The following ASTN2 variants were observed in gnomAD, a reference collection of about 807,000 sequenced individuals.
ASTN2 encodes the protein astrotactin 2, also known as astrotactin-2.
A neutral mutation model predicts 139.8 loss-of-function variants in ASTN2; 54 were observed. The observed-to-expected ratio is 0.39, with a 90% CI of 0.31 to 0.48. The LOEUF (loss-of-function observed/expected upper bound fraction) is 0.48, where lower values mean the gene tolerates loss of function less well. Among genes scored for constraint, ASTN2 ranks in the 20% least tolerant of loss-of-function variants. The pLI is 0.95. For synonymous variants in ASTN2, 756 were observed against 719.5 expected (o/e 1.05, Z -0.81); for missense variants, 1,565 against 1,725.1 (o/e 0.91, Z 1.64).
intron 14 of ASTN2, among the ~76,000 whole-genome samples, chr9:116,729,743 C>T (rs980791266): frequency 8.5e-5 from 13 of 152,250 alleles, no homozygotes; most frequent in Middle Eastern, 3.4e-3. Context: ...GTAAAATATA[C>T]GTATACAGAA....
intron 1 of ASTN2, among the ~76,000 whole-genome samples, chr9:117,310,290 G>T (rs138987993): frequency 2.6e-5 from 4 of 152,004 alleles, no homozygotes; most frequent in Non-Finnish European, 5.9e-5. Context: ...TTTCTCTCTC[G>T]CACTAAGAGA....
At chr9:116,631,618 A>C (rs1368089382) in intron 17 of ASTN2, among the ~76,000 whole-genome samples, 1 of 152,168 alleles carries the variant, frequency 6.6e-6, no homozygotes, top group Non-Finnish European at 1.5e-5. Context: ...ATACAAAAAT[A>C]CAGTTAGTTA....
intron 4 of ASTN2, among the ~76,000 whole-genome samples, chr9:117,098,937 G>A (rs1828904821): frequency 6.6e-6 from 1 of 151,818 alleles, no homozygotes. Flanking sequence ...GTGAAACCCC[G>A]TCTCTACTAA....
chr9:117,062,363 T>C (rs149146804), intron 5 of ASTN2, among the ~76,000 whole-genome samples: 153 of 152,278 alleles, frequency 1.0e-3, no homozygotes, highest in African/African-American at 3.4e-3. Flanking sequence ...TTTCCCCCAA[T>C]AGCCCCTTAA....
chr9:116,714,749 G>A (rs1029203421), intron 16 of ASTN2, among the ~76,000 whole-genome samples: 11 of 152,274 alleles, frequency 7.2e-5, no homozygotes, highest in African/African-American at 9.6e-5. Flanking sequence ...TTCCTGCTAT[G>A]AGCCACGTAA....
chr9:117,185,478 A>C (rs571536197), intron 3 of ASTN2, among the ~76,000 whole-genome samples: 14 of 152,316 alleles, frequency 9.2e-5, no homozygotes, highest in African/African-American at 2.9e-4. Context: ...CATAACCTAG[A>C]GTGTGGCTTG....
At chr9:117,239,812 A>C (rs998523988) in intron 2 of ASTN2, among the ~76,000 whole-genome samples, 30 of 152,194 alleles carry the variant, frequency 2.0e-4, no homozygotes, top group African/African-American at 7.0e-4. Context: ...CATGCAAGTG[A>C]ATGCAAAAAG....
At chr9:117,024,778 TGTGTCCACACCCAAATCTC>T (rs1201790378) in intron 6 of ASTN2, among the ~76,000 whole-genome samples, 1 of 152,132 alleles carries the variant, frequency 6.6e-6, no homozygotes, top group African/African-American at 2.4e-5. Flanking sequence ...ATGCTTTGGC[TGTGTCCACACCCAAATCTC>T]ATCTTGAACT....
At chr9:116,542,820 T>C (rs1374838825) in intron 19 of ASTN2, among the ~76,000 whole-genome samples, 2 of 151,930 alleles carry the variant, frequency 1.3e-5, no homozygotes, top group African/African-American at 4.8e-5. Context: ...CTTGAGGGGC[T>C]GAGGCAGGAG....
At chr9:116,640,331 G>A (rs1464081513) in intron 17 of ASTN2, among the ~76,000 whole-genome samples, 1 of 152,106 alleles carries the variant, frequency 6.6e-6, no homozygotes, top group Non-Finnish European at 1.5e-5. Context: ...AAGAGGAGGA[G>A]ACACAGGCAT....
intron 10 of ASTN2, among the ~76,000 whole-genome samples, chr9:116,953,866 T>C (rs1351567694): frequency 6.6e-6 from 1 of 152,200 alleles, no homozygotes; most frequent in Admixed American, 6.5e-5. Context: ...TAGCTCAATC[T>C]GTATCCATCA....
At chr9:117,183,797 A>G (rs375691400) in intron 3 of ASTN2, among the ~76,000 whole-genome samples, 4 of 152,156 alleles carry the variant, frequency 2.6e-5, no homozygotes, top group African/African-American at 9.7e-5. Flanking sequence ...CTGAAAACCT[A>G]CATCCCCCTT....
chr9:116,973,094 G>T (rs546580302), intron 10 of ASTN2, among the ~76,000 whole-genome samples: 4 of 152,156 alleles, frequency 2.6e-5, no homozygotes, highest in Non-Finnish European at 5.9e-5. Context: ...CTCTCAAATG[G>T]TGATGATTGC....
At chr9:116,452,455 T>G (rs1345881821) in intron 20 of ASTN2, among the ~76,000 whole-genome samples, 2 of 152,184 alleles carry the variant, frequency 1.3e-5, no homozygotes, top group Admixed American at 6.5e-5. Flanking sequence ...AACCCCATGG[T>G]GACGGTGTGA....
intron 19 of ASTN2, among the ~76,000 whole-genome samples, chr9:116,537,027 T>C (rs529790685): frequency 3.9e-4 from 60 of 152,184 alleles, no homozygotes; most frequent in Non-Finnish European, 7.9e-4. Context: ...CCTGGCCACT[T>C]TGTTTACCTA....
At chr9:116,813,474 A>C (rs1056704712) in intron 12 of ASTN2, among the ~76,000 whole-genome samples, 2 of 152,184 alleles carry the variant, frequency 1.3e-5, no homozygotes, top group Non-Finnish European at 2.9e-5. Flanking sequence ...CAGAACCTTG[A>C]CTTGGGTCTT....
chr9:117,264,778 T>C (rs1404128757), intron 2 of ASTN2, among the ~76,000 whole-genome samples: 2 of 152,358 alleles, frequency 1.3e-5, no homozygotes, highest in South Asian at 2.1e-4. Flanking sequence ...TTTTGTTTGC[T>C]TGTTTGCTTT....
chr9:116,854,797 G>A (rs1435116555), intron 11 of ASTN2, among the ~76,000 whole-genome samples: 2 of 151,944 alleles, frequency 1.3e-5, no homozygotes, highest in African/African-American at 2.4e-5. Flanking sequence ...GACTATAGGA[G>A]CCTGCCACCA....
intron 20 of ASTN2, among the ~76,000 whole-genome samples, chr9:116,453,243 C>G (rs1588073141): frequency 6.6e-6 from 1 of 152,082 alleles, no homozygotes; most frequent in Non-Finnish European, 1.5e-5. Context: ...CTCTGAGAGT[C>G]TTAGTTTTCC....
Sources: allele counts gnomAD v4.1 joint callset (sites outside exome capture counted in the v4.1 genomes callset), GRCh38; gene constraint gnomAD v4.1.1; transcripts MANE v1.5; gene names NCBI Gene and HGNC (gene_info 2026-07-23, HGNC 2026-07-21).